Variants in DCST1 observed in about 807,000 individuals in gnomAD.
DCST1 encodes the protein DC-STAMP domain containing 1.
Under a neutral mutation model 89.1 loss-of-function variants are expected in DCST1, and 78 were observed. The observed-to-expected ratio is 0.88, with a 90% confidence interval of 0.73 to 1.06. DCST1 has a LOEUF of 1.06. DCST1 is among the 50% of genes least tolerant of loss of function. The pLI is 0.00. For missense variants in DCST1, 900 were observed against 928.6 expected (o/e 0.97, Z 0.40); for synonymous variants, 364 against 371.9 (o/e 0.98, Z 0.24).
At chr1:155,050,461 G>C in intron 16 of DCST1, 156 bp from the exon 17 acceptor site, 1 of 989,810 alleles carries the variant, frequency 1.0e-6, no homozygotes, top group Non-Finnish European at 1.4e-6. Flanking sequence ...TGGGGAGGGA[G>C]GCACCCTCGC....
intron 14 of DCST1, 108 bp from the exon 15 acceptor site, chr1:155,047,679 G>A: frequency 1.0e-6 from 1 of 977,470 alleles, no homozygotes; most frequent in Non-Finnish European, 1.5e-6. Context: ...CAGGAGGAGA[G>A]CAGGGGAATC....
intron 5 of DCST1, among the ~76,000 whole-genome samples, 159 bp from the exon 6 acceptor site, chr1:155,040,326 G>GA (rs1225566588): frequency 6.0e-5 from 9 of 151,020 alleles, no homozygotes; most frequent in Admixed American, 4.6e-4. Context: ...AAAAAACAGT[G>GA]AAAAAAATCA....
chr1:155,034,641 T>C lies in DCST1; in HGVS notation c.188-12T>C. 6.2e-7 allele frequency: 1 copy of C among 1,614,216 alleles called. No homozygotes were observed. The highest frequency in any genetic ancestry group is 8.5e-7 in the Non-Finnish European group (1 of 1,180,040). ...CCATCTTTTGGCCTTTGGCTTGACC[T>C]TGTGCCCTTAGGTCTCTTTCAGCTC... On this transcript the variant is annotated splice_polypyrimidine_tract_variant and intron_variant, in intron 3 of 16. Transcript: ENST00000295542.
Position 155,039,463 on chromosome 1 carries a change from T to C in DCST1, c.323T>C (p.Val108Ala), listed in dbSNP as rs1660369077. The C allele has an allele frequency of 1.2e-6, 2 of 1,602,054 alleles. No homozygotes were observed. Among genetic ancestry groups the C allele is most frequent in the Non-Finnish European group, 1.7e-6 (2 of 1,174,198 alleles). ...PHIRCASLLL[V>A]PKMLGKEGRL... ...ATCCGCTGTGCCAGCCTCCTACTAG[T>C]ACCCAAGATGCTGGGCAAGGAAGGC... Residue 108 changes from valine (V) to alanine (A), a missense_variant, in exon 5 of 17, where the codon GTA becomes GCA. By Grantham distance (64) the Val-to-Ala change is moderately conservative. Transcript: ENST00000295542.
Position 155,041,648 on chromosome 1 carries a change from G to A in DCST1, c.748+35G>A, listed in dbSNP as rs1660444503. On this transcript the variant is annotated intron_variant, in intron 7 of 16. Coordinates refer to ENST00000295542, the MANE Select transcript of DCST1 (RefSeq NM_152494.4). ...ATCCCTGGGGAGTGGAGGGTGGGGT[G>A]GGATGTGGGGCCAGCATTGTGGATC... 5 of 1,613,932 alleles carry A rather than the reference G, an allele frequency of 3.1e-6. No homozygotes were observed. The East Asian group carries it at 1.1e-4, about 36-fold the overall frequency.
chr1:155,050,166 G>T (rs1375956442), intron 16 of DCST1, among the ~76,000 whole-genome samples: 1 of 152,258 alleles, frequency 6.6e-6, no homozygotes, highest in South Asian at 2.1e-4. Context: ...TGTCGTGAGG[G>T]ATGGCAGGGA....
In DCST1 at chr1:155,050,610, C is replaced by A. The variant is rs983864698; in HGVS notation, c.1870-7C>A. On this transcript the variant is annotated splice_region_variant and splice_polypyrimidine_tract_variant and intron_variant, in intron 16 of 16. Coordinates refer to ENST00000295542, the MANE Select transcript of DCST1 (RefSeq NM_152494.4). ...CCGGGCTGGCGCTAACGCCCACCTC[C>A]CAACAGCGCCACCCGCTGGCGGATA... is the stretch of plus-strand genomic sequence containing the variant. 3 of 1,573,862 alleles carry A rather than the reference C, an allele frequency of 1.9e-6. No individual in the cohort carries two copies. The highest frequency in any genetic ancestry group is 2.6e-6 in the Non-Finnish European group (3 of 1,163,230).
intron 6 of DCST1, 78 bp downstream of exon 6, chr1:155,040,702 C>G (rs1183155816): frequency 2.0e-6 from 3 of 1,477,520 alleles, no homozygotes; most frequent in Non-Finnish European, 2.7e-6. Context: ...AGTTGTCACC[C>G]TGGATTTACA....
At chr1:155,048,361 G>C (rs556535210) in intron 16 of DCST1, among the ~76,000 whole-genome samples, 191 bp downstream of exon 16, 2 of 152,140 alleles carry the variant, frequency 1.3e-5, no homozygotes, top group East Asian at 1.9e-4. Context: ...GCACGATCTC[G>C]GCTCACTGCA....
intron 2 of DCST1, 38 bp downstream of exon 2, chr1:155,034,135 C>T: frequency 6.2e-7 from 1 of 1,611,418 alleles, no homozygotes; most frequent in Middle Eastern, 1.7e-4. Flanking sequence ...CCCTTGACCT[C>T]CACTCTCATC....
intron 5 of DCST1, 52 bp downstream of exon 5, chr1:155,039,583 T>C (rs746259636): frequency 1.4e-6 from 2 of 1,480,754 alleles, no homozygotes; most frequent in South Asian, 2.9e-5. Flanking sequence ...CCTGGGTGGG[T>C]CATCCAATGG....
At chr1:155,039,582 G>T (rs779314987) in intron 5 of DCST1, 51 bp downstream of exon 5, 2 of 1,480,532 alleles carry the variant, frequency 1.4e-6, no homozygotes, top group South Asian at 2.9e-5. Flanking sequence ...CCCTGGGTGG[G>T]TCATCCAATG....
chr1:155,040,739 T>C, intron 6 of DCST1, 115 bp downstream of exon 6: 1 of 1,418,706 alleles, frequency 7.0e-7, no homozygotes, highest in South Asian at 1.5e-5. Flanking sequence ...ACTACTGGCA[T>C]TTTTTGCAGA....
chr1:155,040,582 CATCTCCACAGCCCCCTTACG>C lies in DCST1; in HGVS notation c.490_509del (p.Ile164GlyfsTer9). 6.3e-7 allele frequency: 1 copy of C among 1,586,668 alleles called. No individual in the cohort carries two copies. Among genetic ancestry groups the C allele is most frequent in the Non-Finnish European group, 8.6e-7 (1 of 1,165,606 alleles). On this transcript the variant is annotated frameshift_variant, in exon 6 of 17. Transcript: ENST00000295542. LOFTEE classifies it high-confidence loss of function. ...TCAACAACACCCGCGCAGCTTGGCG[CATCTCCACAGCCCCCTTACG>C]GGCCATGTTCAAGGACCTGCTGGTC...
intron 6 of DCST1, 26 bp downstream of exon 6, chr1:155,040,650 T>TG (rs1468020967): frequency 7.8e-6 from 12 of 1,534,756 alleles, no homozygotes; most frequent in African/African-American, 5.5e-5. Flanking sequence ...AGGCAGAGCC[T>TG]GGGGGGTCCC....
intron 4 of DCST1, among the ~76,000 whole-genome samples, chr1:155,039,143 A>G (rs1399274303): frequency 6.6e-6 from 1 of 152,164 alleles, no homozygotes; most frequent in Non-Finnish European, 1.5e-5. Context: ...AACACACACA[A>G]GTCAATCATT....
At chr1:155,043,239 G>A in intron 9 of DCST1, 113 bp from the exon 10 acceptor site, 1 of 1,509,370 alleles carries the variant, frequency 6.6e-7, no homozygotes, top group South Asian at 1.2e-5. Flanking sequence ...TAGAGGTCCT[G>A]GGAGGGCCCC....
chr1:155,041,316 C>T, intron 6 of DCST1, 81 bp from the exon 7 acceptor site: 4 of 1,448,848 alleles, frequency 2.8e-6, no homozygotes, highest in Non-Finnish European at 3.8e-6. Flanking sequence ...AGCTTGGCTA[C>T]TGGGGGAGGA....
intron 5 of DCST1, 139 bp from the exon 6 acceptor site, chr1:155,040,346 C>A (rs2102354211): frequency 9.8e-5 from 62 of 634,442 alleles, no homozygotes; most frequent in South Asian, 5.7e-4. Flanking sequence ...AAAGGTTGAA[C>A]AAGTTGACCT....
Sources: allele counts gnomAD v4.1 joint callset (sites outside exome capture counted in the v4.1 genomes callset), GRCh38; gene constraint gnomAD v4.1.1; transcripts MANE v1.5; gene names NCBI Gene and HGNC (gene_info 2026-07-23, HGNC 2026-07-21).